The following CBLB variants were observed in gnomAD, a reference collection of about 807,000 sequenced individuals.
CBLB encodes the protein Cbl proto-oncogene B.
CBLB carries 31 observed loss-of-function variants against 104.9 expected under a neutral mutation model. The observed-to-expected ratio is 0.30, with a 90% CI of 0.22 to 0.40. The LOEUF is 0.40. Among genes scored for constraint, CBLB ranks in the 10% least tolerant of loss-of-function variants. The pLI, the probability that CBLB is intolerant of heterozygous loss-of-function variation, is 1.00. For missense variants in CBLB, 1,062 were observed against 1,214.6 expected (o/e 0.87, Z 1.87); for synonymous variants, 440 against 422.6 (o/e 1.04, Z -0.51).
rs79564675 is a variant in CBLB at position 105,693,850 on chromosome 3, G to C, written c.1960-262C>G. Among the ~76,000 whole-genome samples, 714 of 152,038 alleles carry C rather than the reference G, an allele frequency of 4.7e-3. 1 individual carries two copies. Among genetic ancestry groups the C allele is most frequent in the Non-Finnish European group, 7.7e-3 (522 of 67,880 alleles). On this transcript the variant is annotated intron_variant, in intron 12 of 18. Transcript: ENST00000394030. ...GGAATACTATAATTTATATACACCA[G>C]ATACAGATATTAATGGCTAAATAGG...
chr3:105,754,529 G>C (rs35547801), intron 4 of CBLB, among the ~76,000 whole-genome samples: 4,484 of 83,720 alleles, frequency 0.054, 97 homozygotes, highest in East Asian at 0.13. Flanking sequence ...GAGACAGAGA[G>C]AGAGAGAGAG....
chr3:105,819,302 C>T (rs760883814), intron 3 of CBLB, among the ~76,000 whole-genome samples: 4 of 152,132 alleles, frequency 2.6e-5, no homozygotes, highest in Non-Finnish European at 4.4e-5. Context: ...GCCTGGCCAA[C>T]ACTGTAAGAC....
At chr3:105,698,507 A>G (rs976446081) in intron 12 of CBLB, among the ~76,000 whole-genome samples, 1 of 151,202 alleles carries the variant, frequency 6.6e-6, no homozygotes, top group Admixed American at 6.6e-5. Flanking sequence ...GTACTTATCT[A>G]CATTTTCTTA....
At position 105,656,637 on chromosome 3, in the gene CBLB, A is replaced by T. The variant is rs2063369547; in HGVS notation, c.*2333T>A. The T allele has an allele frequency of 8.8e-6, 1 of 113,558 alleles. No homozygotes were observed. Among genetic ancestry groups the T allele is most frequent in the Non-Finnish European group, 1.7e-5 (1 of 60,304 alleles). 7.0% of individuals were successfully genotyped at this position (113,558 alleles called of 1,614,324 possible). On this transcript the variant is annotated 3_prime_UTR_variant, in exon 19 of 19. Transcript: ENST00000394030. ...CCCCCACCCCCCACCCCCAAATTTC[A>T]GGTCCAGGTTTGCTATATCATCACT...
intron 3 of CBLB, among the ~76,000 whole-genome samples, chr3:105,808,993 C>A (rs1293439014): frequency 6.6e-6 from 1 of 152,120 alleles, no homozygotes; most frequent in Non-Finnish European, 1.5e-5. Flanking sequence ...AAATAACCCA[C>A]CATTTAGGAA....
At chr3:105,678,662 C>G in intron 16 of CBLB, 91 bp from the exon 17 acceptor site, 1 of 1,376,394 alleles carries the variant, frequency 7.3e-7, no homozygotes, top group South Asian at 1.2e-5. Flanking sequence ...TTTTCTCTTG[C>G]TGCTTATAAA....
intron 3 of CBLB, among the ~76,000 whole-genome samples, chr3:105,791,435 T>C (rs927246851): frequency 9.9e-5 from 15 of 152,230 alleles, no homozygotes; most frequent in African/African-American, 3.6e-4. Context: ...TAAAGAAATA[T>C]ATCCTTTATT....
chr3:105,782,823 C>T (rs1279609784), intron 3 of CBLB, among the ~76,000 whole-genome samples: 3 of 152,106 alleles, frequency 2.0e-5, no homozygotes, highest in African/African-American at 7.2e-5. Context: ...CTGCCCACCT[C>T]GGCCTCCCAA....
chr3:105,848,956 T>C (rs1577834924), intron 3 of CBLB, among the ~76,000 whole-genome samples: 1 of 152,246 alleles, frequency 6.6e-6, no homozygotes, highest in East Asian at 1.9e-4. Context: ...ATGGGAGACT[T>C]TTAGGTTCTG....
At chr3:105,854,036 TTA>T (rs1213786602) in intron 2 of CBLB, among the ~76,000 whole-genome samples, 3 of 152,310 alleles carry the variant, frequency 2.0e-5, no homozygotes, top group African/African-American at 4.8e-5. Flanking sequence ...TGTCTCACAT[TTA>T]TATGTTATTT....
chr3:105,686,200 A>C (rs553622252), intron 13 of CBLB, among the ~76,000 whole-genome samples: 2 of 152,362 alleles, frequency 1.3e-5, no homozygotes, highest in East Asian at 3.9e-4. Flanking sequence ...AAGAGTAAAT[A>C]AACCAAATAA....
At chr3:105,827,324 T>C (rs1016126916) in intron 3 of CBLB, among the ~76,000 whole-genome samples, 10 of 152,194 alleles carry the variant, frequency 6.6e-5, no homozygotes, top group African/African-American at 2.2e-4. Context: ...AACTTTTTTT[T>C]TCCCTCGTAC....
At chr3:105,754,359 G>A (rs2076849479) in intron 4 of CBLB, among the ~76,000 whole-genome samples, 1 of 152,124 alleles carries the variant, frequency 6.6e-6, no homozygotes, top group East Asian at 1.9e-4. Flanking sequence ...TTAAACTTCT[G>A]CAAAAAGACA....
At chr3:105,750,175 C>T (rs1262500574) in intron 5 of CBLB, among the ~76,000 whole-genome samples, 2 of 152,028 alleles carry the variant, frequency 1.3e-5, no homozygotes, top group African/African-American at 4.8e-5. Flanking sequence ...CTCATCACCA[C>T]GCCCAGCTAA....
intron 4 of CBLB, among the ~76,000 whole-genome samples, chr3:105,759,161 C>T (rs2077363975): frequency 6.6e-6 from 1 of 152,212 alleles, no homozygotes; most frequent in Non-Finnish European, 1.5e-5. Flanking sequence ...GCAGGCAGAT[C>T]ATCCCAAGGA....
At chr3:105,778,038 T>C (rs2079689862) in intron 3 of CBLB, among the ~76,000 whole-genome samples, 1 of 152,178 alleles carries the variant, frequency 6.6e-6, no homozygotes, top group Non-Finnish European at 1.5e-5. Context: ...ATAGGTACAT[T>C]CTGCATATGT....
At chr3:105,688,838 A>T (rs189046045) in intron 13 of CBLB, among the ~76,000 whole-genome samples, 21 of 152,226 alleles carry the variant, frequency 1.4e-4, no homozygotes, top group Admixed American at 1.3e-3. Flanking sequence ...TCTGTGTGGT[A>T]TACTATCAAG....
Position 105,696,613 on chromosome 3 carries a change from C to T in CBLB, c.1960-3025G>A, listed in dbSNP as rs191440389. ...CAACTAAGAAACATTTTTTTGTCCT[C>T]TGCATTCTTAGCTCACTGTCTGAAA... is the stretch of plus-strand genomic sequence containing the variant. On this transcript the variant is annotated intron_variant, in intron 12 of 18. Transcript: ENST00000394030. Among the ~76,000 whole-genome samples the T allele has an allele frequency of 1.6e-3, 249 of 151,942 alleles. 4 individuals carry two copies. Among genetic ancestry groups the T allele is most frequent in the African/African-American group, 5.9e-3 (244 of 41,532 alleles).
At chr3:105,669,519 T>C (rs571673001) in intron 18 of CBLB, among the ~76,000 whole-genome samples, 1 of 152,274 alleles carries the variant, frequency 6.6e-6, no homozygotes, top group South Asian at 2.1e-4. Context: ...CTGAACTGAC[T>C]AGGACAAGCA....
Sources: allele counts gnomAD v4.1 joint callset (sites outside exome capture counted in the v4.1 genomes callset), GRCh38; gene constraint gnomAD v4.1.1; transcripts MANE v1.5; gene names NCBI Gene and HGNC (gene_info 2026-07-23, HGNC 2026-07-21).